PLPP1: variants seen among roughly 807,000 people sequenced by gnomAD.
PLPP1 encodes phospholipid phosphatase 1.
A neutral mutation model predicts 31.2 loss-of-function variants in PLPP1; 24 were observed. The observed-to-expected ratio is 0.77, with a 90% CI of 0.56 to 1.08. The LOEUF is 1.08. PLPP1 is among the 50% of genes least tolerant of loss of function. The pLI is 0.00. For missense variants in PLPP1, 319 were observed against 342.7 expected, an observed-to-expected ratio of 0.93 and a Z score of 0.55; for synonymous variants, 146 against 126.3, an observed-to-expected ratio of 1.16 and a Z score of -1.05.
At chr5:55,451,667 T>G (rs1751895703) in intron 3 of PLPP1, among the ~76,000 whole-genome samples, 2 of 152,064 alleles carry the variant, frequency 1.3e-5, no homozygotes, top group African/African-American at 4.8e-5. Flanking sequence ...GTTCAGGCAG[T>G]TCTCCTGCCT....
At chr5:55,438,181 C>T (rs1284015358) in intron 4 of PLPP1, among the ~76,000 whole-genome samples, 1 of 150,200 alleles carries the variant, frequency 6.7e-6, no homozygotes, top group Non-Finnish European at 1.5e-5. Context: ...AAAATACAGA[C>T]TCATACCATG....
chr5:55,515,825 T>C (rs1031914598), intron 1 of PLPP1, among the ~76,000 whole-genome samples: 4 of 152,166 alleles, frequency 2.6e-5, no homozygotes, highest in African/African-American at 9.7e-5. Context: ...TTATAACTTC[T>C]TCCTGAAATT....
intron 1 of PLPP1, chr5:55,530,136 T>C (rs1740610483): frequency 1.7e-6 from 2 of 1,202,280 alleles, no homozygotes; most frequent in Non-Finnish European, 2.5e-6. Context: ...GGTACAAAGA[T>C]GCAGAGATGT....
At chr5:55,463,163 A>G (rs868081274) in intron 3 of PLPP1, among the ~76,000 whole-genome samples, 1 of 151,986 alleles carries the variant, frequency 6.6e-6, no homozygotes, top group Non-Finnish European at 1.5e-5. Flanking sequence ...GGAGGGAAAC[A>G]TCACACACCG....
intron 1 of PLPP1, among the ~76,000 whole-genome samples, chr5:55,501,290 A>G (rs965193760): frequency 4.6e-5 from 7 of 152,046 alleles, no homozygotes; most frequent in African/African-American, 1.7e-4. Flanking sequence ...TCCAGCCTGG[A>G]CAACAAAAGC....
Position 55,425,241 on chromosome 5 carries a change from TTGTTGG to T in PLPP1, c.814_819del (p.Pro272_Thr273del). On this transcript the variant is annotated inframe_deletion, in exon 6 of 6. Transcript: ENST00000307259. ...TGATTGCTCGGATAGTGATTCCCAG[TTGTTGG>T]TGTTTCATGCAGAGTTGTATGAGAG... The T allele has an allele frequency of 6.2e-7, 1 of 1,613,950 alleles. No individual in the cohort carries two copies.
chr5:55,521,189 C>A (rs1753657945), intron 1 of PLPP1, among the ~76,000 whole-genome samples: 1 of 151,944 alleles, frequency 6.6e-6, no homozygotes, highest in Non-Finnish European at 1.5e-5. Flanking sequence ...TCTGTCTCTA[C>A]TAAAAATACA....
At chr5:55,428,406 C>T (rs1046354704) in intron 4 of PLPP1, among the ~76,000 whole-genome samples, 6 of 152,208 alleles carry the variant, frequency 3.9e-5, no homozygotes, top group African/African-American at 1.4e-4. Flanking sequence ...AAGTGGACAC[C>T]CTGAATTTCT....
At chr5:55,462,299 A>G (rs1245532176) in intron 3 of PLPP1, among the ~76,000 whole-genome samples, 2 of 152,250 alleles carry the variant, frequency 1.3e-5, no homozygotes, top group African/African-American at 4.8e-5. Flanking sequence ...AGGCATACAG[A>G]GCAATGAACT....
At chr5:55,512,638 T>C (rs917845174) in intron 1 of PLPP1, among the ~76,000 whole-genome samples, 1 of 152,050 alleles carries the variant, frequency 6.6e-6, no homozygotes, top group Middle Eastern at 3.4e-3. Flanking sequence ...GTCTAAAAAT[T>C]AGAGTTAAAA....
chr5:55,514,769 T>C (rs1168165867), intron 1 of PLPP1, among the ~76,000 whole-genome samples: 1 of 152,250 alleles, frequency 6.6e-6, no homozygotes, highest in Non-Finnish European at 1.5e-5. Context: ...GCAAATAATA[T>C]TTCCATTTCC....
At position 55,455,182 on chromosome 5, in the gene PLPP1, A is replaced by G. The variant is rs563212744; in HGVS notation, c.491+12687T>C. On this transcript the variant is annotated intron_variant, in intron 3 of 5. Coordinates refer to ENST00000307259, the MANE Select transcript of PLPP1 (RefSeq NM_003711.4). ...AGATCAGTTACTCAGAATGGATCAG[A>G]AACACTGGGCCTGTGCTAAAACATA... Among the ~76,000 whole-genome samples, 8 of 152,354 alleles carry G rather than the reference A, an allele frequency of 5.3e-5. 1 individual carries two copies. In the South Asian group the frequency reaches 1.7e-3, roughly 32 times the overall value.
chr5:55,503,577 A>C (rs1753191973), intron 1 of PLPP1, among the ~76,000 whole-genome samples: 1 of 151,150 alleles, frequency 6.6e-6, no homozygotes. Flanking sequence ...GGAGCTCAAG[A>C]CCAAACTGGC....
chr5:55,453,600 T>C (rs1485608590), intron 3 of PLPP1, among the ~76,000 whole-genome samples: 4 of 152,184 alleles, frequency 2.6e-5, no homozygotes, highest in Non-Finnish European at 4.4e-5. Context: ...GTAAATAATA[T>C]TCATAATGAT....
chr5:55,443,192 A>AAAAAAAAATATATATAT lies in PLPP1; in HGVS notation c.492-1285_492-1284insATATATATATTTTTTTT. ...AAGGATTACTTAAAAAAAAAAAAAA[A>AAAAAAAAATATATATAT]ATATATATATATATATATATACACA... On this transcript the variant is annotated intron_variant, in intron 3 of 5. Coordinates refer to ENST00000307259, the MANE Select transcript of PLPP1 (RefSeq NM_003711.4). Among the ~76,000 whole-genome samples, 105 of 25,340 alleles carry AAAAAAAAATATATATAT rather than the reference A, an allele frequency of 4.1e-3. 1 individual carries two copies. Among genetic ancestry groups the AAAAAAAAATATATATAT allele is most frequent in the Admixed American group, 0.013 (17 of 1,270 alleles). The allele number at this position is 25,340 out of a possible 152,430, so 16.6% of individuals were successfully genotyped here.
At chr5:55,485,427 G>A (rs181888703) in intron 1 of PLPP1, among the ~76,000 whole-genome samples, 1 of 152,260 alleles carries the variant, frequency 6.6e-6, no homozygotes, top group East Asian at 1.9e-4. Context: ...GACAAGGAGT[G>A]AAGTTTGATT....
chr5:55,499,131 G>A (rs1753065038), intron 1 of PLPP1, among the ~76,000 whole-genome samples: 1 of 152,124 alleles, frequency 6.6e-6, no homozygotes, highest in Non-Finnish European at 1.5e-5. Flanking sequence ...CTTCAAAATA[G>A]GACTTTACAA....
At chr5:55,447,686 C>G (rs1199947378) in intron 3 of PLPP1, among the ~76,000 whole-genome samples, 6 of 152,192 alleles carry the variant, frequency 3.9e-5, no homozygotes, top group African/African-American at 7.2e-5. Flanking sequence ...ATCCTGCCAT[C>G]TCCAGGCAGG....
At chr5:55,426,564 G>A (rs1199474511) in intron 4 of PLPP1, among the ~76,000 whole-genome samples, 1 of 80,796 alleles carries the variant, frequency 1.2e-5, no homozygotes, top group African/African-American at 4.4e-5. Flanking sequence ...ACTGAGCCCA[G>A]CTAATTGGTT....
Sources: gnomAD v4.1 joint callset for allele counts (sites outside exome capture counted in the v4.1 genomes callset) on GRCh38, gnomAD v4.1.1 for gene constraint, MANE v1.5 for transcripts, NCBI Gene and HGNC (gene_info 2026-07-23, HGNC 2026-07-21) for gene names.